RALGPS2: variants seen among roughly 807,000 people sequenced by gnomAD.
The protein encoded by RALGPS2 is Ral GEF with PH domain and SH3 binding motif 2.
In RALGPS2, 43 loss-of-function variants were observed where a neutral mutation model predicts 86.8. That is an observed-to-expected ratio of 0.50 (90% CI 0.39 to 0.64). RALGPS2 has a LOEUF of 0.64. Among genes scored for constraint, RALGPS2 ranks in the 30% least tolerant of loss-of-function variants. RALGPS2 has a pLI of 0.00. For synonymous variants in RALGPS2, 243 were observed against 231.3 expected, an observed-to-expected ratio of 1.05 and a Z score of -0.46; for missense variants, 536 against 694.6, an observed-to-expected ratio of 0.77 and a Z score of 2.57.
intron 8 of RALGPS2, chr1:178,850,048 G>A (rs568104865): frequency 2.6e-5 from 4 of 152,760 alleles, no homozygotes; most frequent in Admixed American, 6.5e-5. Context: ...GAGACTAAGC[G>A]TTACATACAC....
At chr1:178,746,485 G>A (rs750739016) in intron 1 of RALGPS2, among the ~76,000 whole-genome samples, 6 of 152,130 alleles carry the variant, frequency 3.9e-5, no homozygotes, top group Non-Finnish European at 8.8e-5. Flanking sequence ...TTAACATCCA[G>A]TTAAAGGTTC....
At chr1:178,798,635 G>T (rs946330768) in intron 4 of RALGPS2, among the ~76,000 whole-genome samples, 4 of 149,014 alleles carry the variant, frequency 2.7e-5, no homozygotes, top group African/African-American at 9.8e-5. Context: ...ATTGTGTTTC[G>T]TTTTTTTTTT....
intron 7 of RALGPS2, among the ~76,000 whole-genome samples, chr1:178,828,412 G>C (rs1655855481): frequency 6.6e-6 from 1 of 152,126 alleles, no homozygotes; most frequent in Non-Finnish European, 1.5e-5. Flanking sequence ...GTACTGAGTA[G>C]GCAGTTATAA....
intron 8 of RALGPS2, among the ~76,000 whole-genome samples, chr1:178,876,020 A>G (rs560526196): frequency 2.3e-4 from 35 of 152,322 alleles, no homozygotes; most frequent in African/African-American, 7.9e-4. Flanking sequence ...AAAGTATGAT[A>G]GGTGACTTAA....
In RALGPS2 at chr1:178,921,709, TCTCA is replaced by T. The variant is rs1647330290; in HGVS notation, c.*5353_*5356del. 6.6e-6 allele frequency: 1 copy of T among 152,094 alleles called. No homozygotes were observed. Among genetic ancestry groups the T allele is most frequent in the Admixed American group, 6.6e-5 (1 of 15,254 alleles). The allele number at this position is 152,094 out of a possible 1,614,324, so 9.4% of individuals were successfully genotyped here. A position where few individuals can be genotyped will look rare whatever the true frequency, so the allele number is the denominator to read the frequency against. ...TGAGTGATGTGCAGCTTGGTTCCTC[TCTCA>T]CTTTTTGTTTCTTTTTAATATGCAA... On this transcript the variant is annotated 3_prime_UTR_variant, in exon 20 of 20. Coordinates refer to ENST00000367635, the MANE Select transcript of RALGPS2 (RefSeq NM_152663.5).
At position 178,878,910 on chromosome 1, in the gene RALGPS2, A is replaced by G. The variant is rs756367569; in HGVS notation, c.754A>G (p.Met252Val). ...TATCACCTTTTGCCTAGATATTCCCATGTTGCCTCATGTCCAAAAATATCT... is the reference window on the plus strand; with the variant it reads ...TATCACCTTTTGCCTAGATATTCCCGTGTTGCCTCATGTCCAAAAATATCT... ...LQQSCEYDIPMLPHVQKYLNS... is the reference protein window; with the variant it reads ...LQQSCEYDIPVLPHVQKYLNS... Residue 252 changes from methionine to valine, a missense_variant, in exon 10 of 20, where the codon ATG becomes GTG. Transcript: ENST00000367635. The G allele has an allele frequency of 6.2e-7, 1 of 1,612,404 alleles. No homozygotes were observed. The highest frequency in any genetic ancestry group is 8.5e-7 in the Non-Finnish European group (1 of 1,179,336).
chr1:178,845,362 G>A lies in RALGPS2; in HGVS notation c.607+11812G>A, dbSNP rs559755797. Among the ~76,000 whole-genome samples, 39 of 151,998 alleles carry A rather than the reference G, an allele frequency of 2.6e-4. No individual in the cohort carries two copies. In the South Asian group the frequency reaches 6.4e-3, roughly 25 times the overall value. ...TTTTCATGATAGTACTTTTTTGTTA[G>A]AAGAGAAATACTTTTCTTATAACCC... On this transcript the variant is annotated intron_variant, in intron 8 of 19. Coordinates refer to ENST00000367635, the MANE Select transcript of RALGPS2 (RefSeq NM_152663.5).
intron 7 of RALGPS2, among the ~76,000 whole-genome samples, chr1:178,832,966 G>A (rs1305291885): frequency 2.0e-5 from 3 of 151,748 alleles, no homozygotes; most frequent in Non-Finnish European, 4.4e-5. Flanking sequence ...ACAGTTATTA[G>A]GACTAGCCAT....
chr1:178,836,442 C>A (rs1469281447), intron 8 of RALGPS2, among the ~76,000 whole-genome samples: 1 of 152,188 alleles, frequency 6.6e-6, no homozygotes, highest in East Asian at 1.9e-4. Flanking sequence ...GTTTCACTCT[C>A]ACCGTGTAGT....
At chr1:178,755,884 C>T (rs1282286322) in intron 1 of RALGPS2, among the ~76,000 whole-genome samples, 1 of 152,184 alleles carries the variant, frequency 6.6e-6, no homozygotes, top group Non-Finnish European at 1.5e-5. Flanking sequence ...CCCATTCTCA[C>T]TGGTGTGAGA....
chr1:178,792,863 C>A (rs1654022012), intron 4 of RALGPS2, among the ~76,000 whole-genome samples: 1 of 152,172 alleles, frequency 6.6e-6, no homozygotes. Context: ...GGGGAAAGTT[C>A]CATCATCTAT....
intron 8 of RALGPS2, among the ~76,000 whole-genome samples, chr1:178,867,264 T>C (rs550801856): frequency 4.6e-5 from 7 of 152,228 alleles, no homozygotes; most frequent in African/African-American, 1.4e-4. Context: ...AAGTAGATTA[T>C]TATGATCCCC....
chr1:178,788,833 C>CT (rs777659917), intron 4 of RALGPS2, among the ~76,000 whole-genome samples: 10 of 128,944 alleles, frequency 7.8e-5, no homozygotes, highest in African/African-American at 3.0e-4. Flanking sequence ...CTTTTGTTTT[C>CT]TTTCTTTCTT....
intron 18 of RALGPS2, among the ~76,000 whole-genome samples, chr1:178,903,918 A>G (rs1364585440): frequency 6.6e-6 from 1 of 152,188 alleles, no homozygotes; most frequent in African/African-American, 2.4e-5. Context: ...TTCCTCAGGG[A>G]ATCTCCACAC....
At chr1:178,803,083 G>A (rs532961267) in intron 4 of RALGPS2, among the ~76,000 whole-genome samples, 14 of 152,120 alleles carry the variant, frequency 9.2e-5, no homozygotes, top group African/African-American at 1.4e-4. Flanking sequence ...TTCATTTCTC[G>A]TGGGAGTGTA....
intron 8 of RALGPS2, among the ~76,000 whole-genome samples, chr1:178,872,081 C>T (rs997101509): frequency 3.3e-5 from 5 of 152,200 alleles, no homozygotes; most frequent in Admixed American, 3.3e-4. Context: ...CATTATGCCA[C>T]ACTCTCTGTC....
intron 1 of RALGPS2, among the ~76,000 whole-genome samples, chr1:178,731,281 T>G (rs1427502904): frequency 8.8e-6 from 1 of 113,610 alleles, no homozygotes; most frequent in African/African-American, 3.7e-5. Context: ...GGTTTTTTTT[T>G]TTTTTTTTTT....
chr1:178,840,811 AG>A (rs1439750935), intron 8 of RALGPS2, among the ~76,000 whole-genome samples: 2 of 152,178 alleles, frequency 1.3e-5, no homozygotes, highest in Non-Finnish European at 2.9e-5. Context: ...AAAATGATAA[AG>A]GGGATATCAC....
At position 178,918,466 on chromosome 1, in the gene RALGPS2, T is replaced by C. The variant is rs771672829; in HGVS notation, c.*2107T>C. On this transcript the variant is annotated 3_prime_UTR_variant, in exon 20 of 20. Coordinates refer to ENST00000367635, the MANE Select transcript of RALGPS2 (RefSeq NM_152663.5). Reference sequence around the variant, plus strand: ...TAGGTTAACCATATCTGTGGAAATATGCAGTTGGAAGTCAGAGCCTGACAT... The same window carrying C: ...TAGGTTAACCATATCTGTGGAAATACGCAGTTGGAAGTCAGAGCCTGACAT... 2.6e-5 allele frequency: 4 copies of C among 152,116 alleles called. No individual in the cohort carries two copies. The highest frequency in any genetic ancestry group is 7.2e-5 in the African/African-American group (3 of 41,456). The allele number at this position is 152,116 out of a possible 1,614,324, so 9.4% of individuals were successfully genotyped here. A position where few individuals can be genotyped will look rare whatever the true frequency, so the allele number is the denominator to read the frequency against.
Sources: gnomAD v4.1 joint callset for allele counts (sites outside exome capture counted in the v4.1 genomes callset) on GRCh38, gnomAD v4.1.1 for gene constraint, MANE v1.5 for transcripts, NCBI Gene and HGNC (gene_info 2026-07-23, HGNC 2026-07-21) for gene names.